The following ADGRL3 variants were observed in gnomAD, a reference collection of about 807,000 sequenced individuals.
The protein encoded by ADGRL3 is adhesion G protein-coupled receptor L3.
Under a neutral mutation model 153.5 loss-of-function variants are expected in ADGRL3, and 62 were observed. The observed-to-expected ratio is 0.40, with a 90% CI of 0.33 to 0.50. ADGRL3 has a LOEUF of 0.50. Among genes scored for constraint, ADGRL3 ranks in the 20% least tolerant of loss-of-function variants. ADGRL3 has a pLI of 0.47. For synonymous variants in ADGRL3, 710 were observed against 672.5 expected (o/e 1.06, Z -0.86); for missense variants, 1,641 against 1,859.4 (o/e 0.88, Z 2.16).
chr4:62,011,379 A>G (rs1444152562), intron 21 of ADGRL3, among the ~76,000 whole-genome samples: 2 of 152,126 alleles, frequency 1.3e-5, no homozygotes, highest in Non-Finnish European at 2.9e-5. Flanking sequence ...TTACGATTCA[A>G]TGTTAATAAA....
intron 2 of ADGRL3, among the ~76,000 whole-genome samples, chr4:61,396,223 C>CATTA (rs2096866841): frequency 6.6e-6 from 1 of 151,726 alleles, no homozygotes; most frequent in African/African-American, 2.4e-5. Context: ...GAACTTTTAA[C>CATTA]AAAGTTTAAA....
At chr4:61,715,274 A>C in intron 6 of ADGRL3, among the ~76,000 whole-genome samples, 1 of 152,170 alleles carries the variant, frequency 6.6e-6, no homozygotes, top group East Asian at 1.9e-4. Context: ...TCTAAGTGGC[A>C]AATATCTATA....
intron 4 of ADGRL3, among the ~76,000 whole-genome samples, chr4:61,545,927 GT>G (rs2098711939): frequency 6.6e-6 from 1 of 152,120 alleles, no homozygotes; most frequent in Admixed American, 6.5e-5. Flanking sequence ...AACTTTCTAT[GT>G]TTTTATGACT....
intron 3 of ADGRL3, among the ~76,000 whole-genome samples, chr4:61,515,749 G>C (rs1018302509): frequency 2.6e-5 from 4 of 152,080 alleles, no homozygotes; most frequent in Non-Finnish European, 5.9e-5. Flanking sequence ...TAGTAACAAA[G>C]ATATTAGAGA....
intron 24 of ADGRL3, among the ~76,000 whole-genome samples, chr4:62,044,138 T>TG (rs1480349026): frequency 6.6e-6 from 1 of 152,028 alleles, no homozygotes; most frequent in African/African-American, 2.4e-5. Flanking sequence ...TTTCTAATTC[T>TG]GTCTGAAGAT....
intron 8 of ADGRL3, among the ~76,000 whole-genome samples, chr4:61,747,874 A>C (rs1223420433): frequency 6.6e-6 from 1 of 152,024 alleles, no homozygotes; most frequent in Non-Finnish European, 1.5e-5. Context: ...CAAGCAGGAG[A>C]AGGAAATAAA....
At chr4:61,319,633 T>C (rs545185991) in intron 1 of ADGRL3, among the ~76,000 whole-genome samples, 3 of 152,296 alleles carry the variant, frequency 2.0e-5, no homozygotes, top group African/African-American at 7.2e-5. Context: ...TGAGAATTAA[T>C]GTATCTCATT....
At chr4:61,479,989 T>G in intron 2 of ADGRL3, among the ~76,000 whole-genome samples, 1 of 152,170 alleles carries the variant, frequency 6.6e-6, no homozygotes. Flanking sequence ...GTTAACATGT[T>G]CATCTCTCAG....
chr4:61,716,397 C>A (rs1044337981), intron 6 of ADGRL3, among the ~76,000 whole-genome samples: 1 of 152,052 alleles, frequency 6.6e-6, no homozygotes, highest in Non-Finnish European at 1.5e-5. Context: ...AGAAAATTAA[C>A]CTCTCTCTTC....
intron 4 of ADGRL3, among the ~76,000 whole-genome samples, chr4:61,570,435 C>T (rs553888838): frequency 3.9e-5 from 6 of 152,064 alleles, no homozygotes; most frequent in African/African-American, 1.2e-4. Context: ...TCTTGTTATT[C>T]CTTCTACCAT....
In ADGRL3 at chr4:61,297,169, G is replaced by A. The variant is rs144802355; in HGVS notation, c.-239-85955G>A. ...TGTCTGTTGCACTTTTTGATTGCAT[G>A]GGTAACAAGTTTATTTTACAACTGG... On this transcript the variant is annotated intron_variant, in intron 1 of 26. Transcript: ENST00000683033. Among the ~76,000 whole-genome samples the A allele has an allele frequency of 2.3e-3, 346 of 152,236 alleles. 3 individuals are homozygous for A. Among genetic ancestry groups the A allele is most frequent in the African/African-American group, 7.9e-3 (327 of 41,552 alleles).
At chr4:61,524,239 G>A (rs149443040) in intron 4 of ADGRL3, among the ~76,000 whole-genome samples, 1 of 152,130 alleles carries the variant, frequency 6.6e-6, no homozygotes, top group Non-Finnish European at 1.5e-5. Context: ...CAAAATTCAG[G>A]TGAAAAGAAA....
chr4:61,821,349 A>G (rs578094559), intron 9 of ADGRL3, among the ~76,000 whole-genome samples: 1 of 150,086 alleles, frequency 6.7e-6, no homozygotes, highest in Non-Finnish European at 1.5e-5. Flanking sequence ...TTATTTATTT[A>G]TTTATTTGTT....
Position 62,026,695 on chromosome 4 carries a change from A to T in ADGRL3, c.3396-2160A>T, listed in dbSNP as rs187788455. Among the ~76,000 whole-genome samples the T allele has an allele frequency of 2.9e-3, 440 of 152,208 alleles. 3 individuals are homozygous for T. The highest frequency in any genetic ancestry group is 0.01 in the Middle Eastern group (3 of 292). ...TGTAGGTCAGAGGAAACAAAGTAGC[A>T]GATATGGAGGATGAACAAATCTAGA... On this transcript the variant is annotated intron_variant, in intron 21 of 26. Coordinates refer to ENST00000683033, the MANE Select transcript of ADGRL3 (RefSeq NM_001387552.1).
At chr4:61,320,548 T>C (rs916545724) in intron 1 of ADGRL3, among the ~76,000 whole-genome samples, 4 of 152,196 alleles carry the variant, frequency 2.6e-5, no homozygotes, top group Non-Finnish European at 5.9e-5. Flanking sequence ...AGCCTTTCCA[T>C]GTTGCAGCTT....
chr4:61,638,626 A>G (rs756823490), intron 5 of ADGRL3, among the ~76,000 whole-genome samples: 8 of 152,182 alleles, frequency 5.3e-5, no homozygotes, highest in African/African-American at 1.4e-4. Context: ...ACTACTACAA[A>G]TATTTAGCAG....
intron 4 of ADGRL3, among the ~76,000 whole-genome samples, chr4:61,530,654 C>T (rs1413205593): frequency 6.6e-6 from 1 of 152,114 alleles, no homozygotes; most frequent in Non-Finnish European, 1.5e-5. Context: ...GATTCTACTA[C>T]AAATATGATA....
At chr4:61,535,677 T>C (rs1579391302) in intron 4 of ADGRL3, among the ~76,000 whole-genome samples, 1 of 152,044 alleles carries the variant, frequency 6.6e-6, no homozygotes, top group Non-Finnish European at 1.5e-5. Flanking sequence ...TGTAAGATTG[T>C]ATGTTTCCAA....
intron 8 of ADGRL3, among the ~76,000 whole-genome samples, chr4:61,746,337 C>T (rs1467491554): frequency 6.6e-6 from 1 of 151,564 alleles, no homozygotes; most frequent in Non-Finnish European, 1.5e-5. Flanking sequence ...GAATTGAAGT[C>T]AGCTCTGCAC....
Sources: allele counts gnomAD v4.1 joint callset (sites outside exome capture counted in the v4.1 genomes callset), GRCh38; gene constraint gnomAD v4.1.1; transcripts MANE v1.5; gene names NCBI Gene and HGNC (gene_info 2026-07-23, HGNC 2026-07-21).